The following MICAL3 variants were observed in gnomAD, a reference collection of about 807,000 sequenced individuals.
MICAL3 encodes microtubule associated monooxygenase, calponin and LIM domain containing 3.
MICAL3 carries 62 observed loss-of-function variants against 207.4 expected under a neutral mutation model. The observed-to-expected ratio is 0.30, with a 90% CI of 0.24 to 0.37. The LOEUF is 0.37. Ranked by LOEUF, MICAL3 falls within the 10% of genes least tolerant of loss-of-function variation. The probability of loss-of-function intolerance (pLI) is 1.00; values close to 1 mark genes in which losing one functional copy is unlikely to be tolerated. For synonymous variants in MICAL3, 1,077 were observed against 1,069.3 expected, an observed-to-expected ratio of 1.01 and a Z score of -0.14; for missense variants, 2,368 against 2,635.6, an observed-to-expected ratio of 0.90 and a Z score of 2.22.
At chr22:17,964,193 C>T (rs1935045168) in intron 1 of MICAL3, among the ~76,000 whole-genome samples, 1 of 152,062 alleles carries the variant, frequency 6.6e-6, no homozygotes, top group Non-Finnish European at 1.5e-5. Context: ...AAGAGCCAAT[C>T]AAGACCCAAA....
intron 1 of MICAL3, among the ~76,000 whole-genome samples, chr22:17,947,382 G>A (rs558275404): frequency 4.6e-5 from 7 of 152,300 alleles, no homozygotes; most frequent in South Asian, 2.1e-4. Context: ...CTCGGTGTCT[G>A]CCTTGCTCCA....
Position 17,818,370 on chromosome 22 carries a change from G to T in MICAL3, c.4291C>A (p.His1431Asn). 1 of 1,604,626 alleles carries T rather than the reference G, an allele frequency of 6.2e-7. No individual in the cohort carries two copies. Residue 1431 changes from histidine to asparagine, a missense_variant, in exon 26 of 32, where the codon CAC (histidine) becomes AAC (asparagine). Physicochemically the swap from His to Asn is moderately conservative, Grantham distance 68 (BLOSUM62 1). Coordinates refer to ENST00000441493, the MANE Select transcript of MICAL3 (RefSeq NM_015241.3). ...GTCTTCATGTTGGAGGAGCTCCCGTGCAGGCCCAGGCCAGAGCTGCTGGAC... is the reference window on the plus strand; with the variant it reads ...GTCTTCATGTTGGAGGAGCTCCCGTTCAGGCCCAGGCCAGAGCTGCTGGAC... Reference protein sequence around the residue: ...ELSSSSGLGLHGSSSNMKTLG... With the variant: ...ELSSSSGLGLNGSSSNMKTLG...
At chr22:17,861,202 C>T (rs1325616231) in intron 19 of MICAL3, 2 of 985,284 alleles carry the variant, frequency 2.0e-6, no homozygotes, top group African/African-American at 3.5e-5. Flanking sequence ...TGAAATTCTA[C>T]TGCCTGGCTA....
At chr22:17,928,502 A>G (rs1030761684) in intron 1 of MICAL3, among the ~76,000 whole-genome samples, 3 of 152,304 alleles carry the variant, frequency 2.0e-5, no homozygotes, top group African/African-American at 7.2e-5. Flanking sequence ...CATGTAGTGT[A>G]TGAGATATAT....
chr22:17,912,368 T>TA (rs113708314), intron 1 of MICAL3, among the ~76,000 whole-genome samples: 16,389 of 140,580 alleles, frequency 0.12, 963 homozygotes, highest in African/African-American at 0.15. Context: ...TCTATTTCTG[T>TA]AAAAAAAAAA....
chr22:17,944,816 GC>G (rs976776515), intron 1 of MICAL3, among the ~76,000 whole-genome samples: 1 of 152,176 alleles, frequency 6.6e-6, no homozygotes, highest in Non-Finnish European at 1.5e-5. Flanking sequence ...TGAGGGTGGA[GC>G]AGGCCACGGC....
At chr22:18,008,058 T>A (rs969490025) in intron 1 of MICAL3, among the ~76,000 whole-genome samples, 1 of 148,714 alleles carries the variant, frequency 6.7e-6, no homozygotes, top group African/African-American at 2.5e-5. Flanking sequence ...CTGGCCAACA[T>A]GGTGAAATAC....
At chr22:17,968,489 G>A (rs1198326941) in intron 1 of MICAL3, among the ~76,000 whole-genome samples, 1 of 152,176 alleles carries the variant, frequency 6.6e-6, no homozygotes, top group Admixed American at 6.5e-5. Context: ...GCTCGGGCAA[G>A]CTTCCTCAGG....
rs777701209 is a variant in MICAL3, at chr22:17,842,009, C to T, written c.2614G>A (p.Val872Met). 14 of 1,601,276 alleles carry T rather than the reference C, an allele frequency of 8.7e-6. No homozygotes were observed. The highest frequency in any genetic ancestry group is 4.5e-5 in the East Asian group (2 of 44,812). Residue 872 changes from valine to methionine, a missense_variant, in exon 20 of 32, where the codon GTG becomes ATG. Val to Met is a conservative substitution (Grantham distance 21, BLOSUM62 1). Coordinates refer to ENST00000441493, the MANE Select transcript of MICAL3 (RefSeq NM_015241.3). ...SSTERTPGSG[V>M]NGLEEPSIAK... ...ATGCTGGGCTCCTCCAGGCCGTTCA[C>T]GCCTGAACCTGCGGGACAAGCACAG...
At chr22:18,016,927 C>A (rs452407) in intron 1 of MICAL3, among the ~76,000 whole-genome samples, 13,137 of 151,250 alleles carry the variant, frequency 0.087, 708 homozygotes, top group Middle Eastern at 0.17. Context: ...GTGACAGAGC[C>A]AGACTCTGTC....
intron 24 of MICAL3, 104 bp from the exon 25 acceptor site, chr22:17,821,613 G>A (rs2305005): frequency 1.5e-5 from 13 of 874,456 alleles, no homozygotes; most frequent in South Asian, 7.9e-5. Context: ...GGTAGAGGGC[G>A]AGTCGCTGAG....
intron 16 of MICAL3, among the ~76,000 whole-genome samples, chr22:17,875,004 C>T (rs1047014346): frequency 4.6e-5 from 7 of 152,224 alleles, no homozygotes; most frequent in Non-Finnish European, 8.8e-5. Context: ...GTGACAGCCG[C>T]GTACATTCCT....
intron 1 of MICAL3, among the ~76,000 whole-genome samples, chr22:17,960,625 G>A (rs1347080867): frequency 1.3e-5 from 2 of 152,098 alleles, no homozygotes; most frequent in African/African-American, 2.4e-5. Context: ...AAGGGGCTCC[G>A]GGAACAGATC....
At chr22:17,943,205 C>T (rs758106641) in intron 1 of MICAL3, among the ~76,000 whole-genome samples, 9 of 152,164 alleles carry the variant, frequency 5.9e-5, no homozygotes, top group South Asian at 2.1e-4. Flanking sequence ...CTCTGTCACC[C>T]GGGCTTGAGT....
chr22:17,842,094 C>A, intron 19 of MICAL3, 77 bp from the exon 20 acceptor site: 1 of 1,389,784 alleles, frequency 7.2e-7, no homozygotes. Flanking sequence ...GACACCCAGG[C>A]TGCAGGCCCT....
chr22:17,858,576 T>A (rs1926179412), intron 19 of MICAL3: 2 of 513,996 alleles, frequency 3.9e-6, no homozygotes, highest in Non-Finnish European at 5.0e-6. Flanking sequence ...TCCTGCCCTA[T>A]TTTTTAGCAT....
chr22:17,877,342 G>GGGAGGTTATGGAGGTTAGGGAGGTTAT (rs1928798679), intron 16 of MICAL3, among the ~76,000 whole-genome samples: 1 of 20,408 alleles, frequency 4.9e-5, no homozygotes, highest in Non-Finnish European at 8.7e-5. Context: ...ATGGAGGTTA[G>GGGAGGTTATGGAGGTTAGGGAGGTTAT]GGAGGTTAGG....
intron 19 of MICAL3, chr22:17,861,822 C>T (rs1926543811): frequency 2.0e-6 from 2 of 985,404 alleles, no homozygotes; most frequent in Non-Finnish European, 2.4e-6. Flanking sequence ...CCCCCAAACA[C>T]TAAATTAGGC....
chr22:17,788,398 C>G lies in MICAL3; in HGVS notation c.*2334G>C, dbSNP rs1601901695. 6.6e-6 allele frequency: 1 copy of G among 152,336 alleles called. No individual in the cohort carries two copies. The highest frequency in any genetic ancestry group is 2.4e-5 in the African/African-American group (1 of 41,478). 9.4% of individuals were successfully genotyped at this position (152,336 alleles called of 1,614,324 possible). ...CTCTCCTGCTACGTCTGGCCACTTA[C>G]AGCAGATCCCTAGGCCACACTCCTT... On this transcript the variant is annotated 3_prime_UTR_variant, in exon 32 of 32. Coordinates refer to ENST00000441493, the MANE Select transcript of MICAL3 (RefSeq NM_015241.3).
Sources: gnomAD v4.1 joint callset for allele counts (sites outside exome capture counted in the v4.1 genomes callset) on GRCh38, gnomAD v4.1.1 for gene constraint, MANE v1.5 for transcripts, NCBI Gene and HGNC (gene_info 2026-07-23, HGNC 2026-07-21) for gene names.